The following PSD3 variants were observed in gnomAD, a reference collection of about 807,000 sequenced individuals.
PSD3 encodes PH and SEC7 domain-containing protein 3.
PSD3 carries 49 observed loss-of-function variants against 105.5 expected under a neutral mutation model. The ratio of observed to expected loss-of-function variants is 0.46; its 90% CI spans 0.37 to 0.59. The LOEUF (loss-of-function observed/expected upper bound fraction) is 0.59. Among genes scored for constraint, PSD3 ranks in the 20% least tolerant of loss-of-function variants. PSD3 has a pLI of 0.00. For synonymous variants in PSD3, 557 were observed against 457.8 expected, an observed-to-expected ratio of 1.22 and a Z score of -2.77; for missense variants, 1,561 against 1,263.8, an observed-to-expected ratio of 1.24 and a Z score of -3.57.
intron 1 of PSD3, among the ~76,000 whole-genome samples, chr8:18,959,327 G>C (rs191443017): frequency 6.6e-6 from 1 of 152,216 alleles, no homozygotes; most frequent in East Asian, 1.9e-4. Context: ...TCCAAAGCCA[G>C]AAGATGCATG....
intron 12 of PSD3, among the ~76,000 whole-genome samples, chr8:18,586,430 G>C (rs1803192213): frequency 6.6e-6 from 1 of 151,966 alleles, no homozygotes. Flanking sequence ...GTTCTATATG[G>C]GTAAAAATCA....
intron 14 of PSD3, among the ~76,000 whole-genome samples, chr8:18,568,730 A>C (rs1585263361): frequency 6.6e-6 from 1 of 150,940 alleles, no homozygotes; most frequent in South Asian, 2.1e-4. Context: ...TTATACTTTA[A>C]GTTTTCGGGT....
chr8:18,738,351 T>C (rs1242518525), intron 9 of PSD3, among the ~76,000 whole-genome samples: 2 of 152,184 alleles, frequency 1.3e-5, no homozygotes, highest in African/African-American at 2.4e-5. Context: ...TTTTCTCATT[T>C]ATAAAATGGG....
At chr8:18,573,612 T>C (rs967069228) in intron 13 of PSD3, among the ~76,000 whole-genome samples, 1 of 152,186 alleles carries the variant, frequency 6.6e-6, no homozygotes, top group Non-Finnish European at 1.5e-5. Flanking sequence ...TGAACAGTAT[T>C]TAGCAATAAA....
At chr8:18,567,629 C>G (rs949245637) in intron 14 of PSD3, among the ~76,000 whole-genome samples, 1 of 152,116 alleles carries the variant, frequency 6.6e-6, no homozygotes, top group African/African-American at 2.4e-5. Flanking sequence ...ACAGAAGAAT[C>G]TTTCCTGAAA....
At chr8:18,994,208 T>C (rs999460022) in intron 1 of PSD3, among the ~76,000 whole-genome samples, 1 of 150,516 alleles carries the variant, frequency 6.6e-6, no homozygotes, top group African/African-American at 2.4e-5. Flanking sequence ...AAATGTATTA[T>C]CTGGAAGTCT....
rs529261210 is a variant in PSD3 at position 18,960,273 on chromosome 8, T to C, written c.22-24131A>G. ...TCAGAATGCAGAGTGTGGTCTTTAA[T>C]AGGTAAGAAGGAATCTTAAGAAAGA... On this transcript the variant is annotated intron_variant, in intron 1 of 15. Transcript: ENST00000327040. Among the ~76,000 whole-genome samples, 8 of 152,312 alleles carry C rather than the reference T, an allele frequency of 5.3e-5. No homozygotes were observed. In the South Asian group the frequency reaches 1.2e-3, roughly 24 times the overall value.
chr8:18,538,214 ATTG>A (rs1384263104), intron 15 of PSD3, among the ~76,000 whole-genome samples: 2 of 152,244 alleles, frequency 1.3e-5, no homozygotes, highest in African/African-American at 4.8e-5. Context: ...TTTATCAAGT[ATTG>A]TTATTTGCAG....
At chr8:18,800,458 C>A (rs1301426409) in intron 7 of PSD3, among the ~76,000 whole-genome samples, 3 of 152,166 alleles carry the variant, frequency 2.0e-5, no homozygotes, top group African/African-American at 7.2e-5. Flanking sequence ...AATACTGAAG[C>A]TAAGAGGTAA....
intron 1 of PSD3, among the ~76,000 whole-genome samples, chr8:19,035,141 T>C (rs6986459): frequency 0.12 from 17,892 of 152,216 alleles, 1,568 homozygotes; most frequent in East Asian, 0.24. Context: ...TATTTGATAT[T>C]GCATGTGTCT....
At chr8:18,962,694 G>C (rs1164292864) in intron 1 of PSD3, among the ~76,000 whole-genome samples, 1 of 152,182 alleles carries the variant, frequency 6.6e-6, no homozygotes, top group Non-Finnish European at 1.5e-5. Context: ...ACTCTGCCTA[G>C]AGAGCTTTTG....
intron 8 of PSD3, among the ~76,000 whole-genome samples, chr8:18,783,795 G>A (rs1320657160): frequency 6.6e-6 from 1 of 152,092 alleles, no homozygotes; most frequent in Non-Finnish European, 1.5e-5. Flanking sequence ...ACCATGCCTG[G>A]CAAATTTTTT....
At chr8:18,984,243 G>A (rs1009672097) in intron 1 of PSD3, among the ~76,000 whole-genome samples, 3 of 148,124 alleles carry the variant, frequency 2.0e-5, no homozygotes, top group African/African-American at 4.9e-5. Context: ...AATAAAACAA[G>A]CTATGCCTAC....
chr8:18,853,575 A>G (rs773313239), intron 4 of PSD3, among the ~76,000 whole-genome samples: 29 of 152,164 alleles, frequency 1.9e-4, no homozygotes, highest in Non-Finnish European at 3.1e-4. Context: ...TTTTCATTAG[A>G]TAACTGGTTA....
chr8:19,068,074 G>A (rs1381899924), intron 1 of PSD3, among the ~76,000 whole-genome samples: 1 of 152,086 alleles, frequency 6.6e-6, no homozygotes, highest in African/African-American at 2.4e-5. Context: ...TCTGTGTGCT[G>A]GGAATACAGG....
At chr8:18,961,491 C>G (rs565916503) in intron 1 of PSD3, among the ~76,000 whole-genome samples, 1 of 152,128 alleles carries the variant, frequency 6.6e-6, no homozygotes, top group African/African-American at 2.4e-5. Context: ...GAGTTCAAGA[C>G]CAGCCTGGCC....
intron 2 of PSD3, among the ~76,000 whole-genome samples, chr8:18,875,325 C>T (rs563333072): frequency 1.3e-5 from 2 of 152,230 alleles, no homozygotes; most frequent in South Asian, 4.1e-4. Context: ...ATGTAGCTTG[C>T]TTACATCTGA....
chr8:18,799,464 G>T (rs1283574939), intron 7 of PSD3, 111 bp from the exon 8 acceptor site: 3 of 814,270 alleles, frequency 3.7e-6, no homozygotes, highest in East Asian at 2.5e-5. Context: ...TACTGTGCTA[G>T]GTACAATTAG....
At chr8:18,640,074 CA>C (rs1807530614) in intron 10 of PSD3, among the ~76,000 whole-genome samples, 1 of 151,976 alleles carries the variant, frequency 6.6e-6, no homozygotes, top group Admixed American at 6.6e-5. Context: ...CATTCACTTT[CA>C]AAAAACAGCT....
Sources: allele counts gnomAD v4.1 joint callset (sites outside exome capture counted in the v4.1 genomes callset), GRCh38; gene constraint gnomAD v4.1.1; transcripts MANE v1.5; gene names NCBI Gene and HGNC (gene_info 2026-07-23, HGNC 2026-07-21).